The following IL1RAPL2 variants were observed in gnomAD, a reference collection of about 807,000 sequenced individuals.
The protein encoded by IL1RAPL2 is interleukin 1 receptor accessory protein like 2.
Under a neutral mutation model 44.1 loss-of-function variants are expected in IL1RAPL2, and 3 were observed. The observed-to-expected ratio is 0.07, with a 90% CI of 0.03 to 0.18. The LOEUF is 0.18. Ranked by LOEUF, IL1RAPL2 falls within the 10% of genes least tolerant of loss-of-function variation. IL1RAPL2 has a pLI of 1.00. For missense variants in IL1RAPL2, 391 were observed against 496.4 expected, an observed-to-expected ratio of 0.79 and a Z score of 2.02; for synonymous variants, 181 against 178.8, an observed-to-expected ratio of 1.01 and a Z score of -0.10.
At chrX:105,477,772 A>T (rs1270088351) in intron 5 of IL1RAPL2, among the ~76,000 whole-genome samples, 1 of 111,574 alleles carries the variant, frequency 9.0e-6, no homozygotes, top group African/African-American at 3.3e-5. Context: ...TAATACTTGT[A>T]CATCTGCGCA....
chrX:104,898,073 C>T (rs768109706), intron 2 of IL1RAPL2, among the ~76,000 whole-genome samples: 4 of 111,608 alleles, frequency 3.6e-5, no homozygotes, highest in Non-Finnish European at 7.5e-5. Context: ...TATTGGGTAT[C>T]ATTGACGGAG....
chrX:104,602,392 G>C (rs1179971829), intron 1 of IL1RAPL2, among the ~76,000 whole-genome samples: 1 of 111,497 alleles, frequency 9.0e-6, no homozygotes, highest in Non-Finnish European at 1.9e-5. Flanking sequence ...GCACAAAACT[G>C]GTTGACCATT....
chrX:105,161,527 G>T (rs1435499382), intron 2 of IL1RAPL2, among the ~76,000 whole-genome samples: 1 of 110,160 alleles, frequency 9.1e-6, no homozygotes, highest in Non-Finnish European at 1.9e-5. Flanking sequence ...TTCTATAATT[G>T]CTCATAAATT....
chrX:105,588,127 CTAAT>C (rs1214875215), intron 6 of IL1RAPL2, among the ~76,000 whole-genome samples: 4 of 110,697 alleles, frequency 3.6e-5, no homozygotes, highest in African/African-American at 6.5e-5. Context: ...ATTTATTATT[CTAAT>C]TAATTTATTT....
At chrX:104,741,051 C>T (rs1414841476) in intron 2 of IL1RAPL2, among the ~76,000 whole-genome samples, 1 of 111,640 alleles carries the variant, frequency 9.0e-6, no homozygotes, top group African/African-American at 3.2e-5. Flanking sequence ...ATACCTATCT[C>T]ACATGCATCT....
chrX:105,232,326 G>T (rs1360012660), intron 3 of IL1RAPL2, among the ~76,000 whole-genome samples: 2 of 112,041 alleles, frequency 1.8e-5, no homozygotes, highest in Non-Finnish European at 3.8e-5. Context: ...TAAGCAGTAT[G>T]AACAGTGCCG....
intron 2 of IL1RAPL2, among the ~76,000 whole-genome samples, chrX:104,874,271 T>A (rs764483577): frequency 1.0e-5 from 1 of 96,336 alleles, no homozygotes. Flanking sequence ...TTTTTAACTG[T>A]CTGTATTCCT....
intron 2 of IL1RAPL2, among the ~76,000 whole-genome samples, chrX:105,061,147 T>C (rs2032071356): frequency 9.0e-6 from 1 of 111,501 alleles, no homozygotes; most frequent in Non-Finnish European, 1.9e-5. Context: ...TTATTTGAAG[T>C]TTTTCAACTT....
At chrX:105,297,597 C>G (rs2034663482) in intron 5 of IL1RAPL2, among the ~76,000 whole-genome samples, 1 of 110,635 alleles carries the variant, frequency 9.0e-6, no homozygotes, top group African/African-American at 3.3e-5. Context: ...ACTTATCAAA[C>G]AACCAGATCT....
chrX:105,096,011 A>C (rs1056708374), intron 2 of IL1RAPL2, among the ~76,000 whole-genome samples: 1 of 111,575 alleles, frequency 9.0e-6, no homozygotes, highest in Non-Finnish European at 1.9e-5. Context: ...ACACACCTTA[A>C]ATTTTTAAAA....
chrX:104,787,231 T>C (rs1241649290), intron 2 of IL1RAPL2, among the ~76,000 whole-genome samples: 1 of 111,233 alleles, frequency 9.0e-6, no homozygotes, highest in Non-Finnish European at 1.9e-5. Context: ...AAATGTCAGG[T>C]TGTTAAAAGT....
Position 104,697,534 on chromosome X carries a change from C to T in IL1RAPL2, c.82+38539C>T, listed in dbSNP as rs1931201918. Among the ~76,000 whole-genome samples, 5 of 112,109 alleles carry T rather than the reference C, an allele frequency of 4.5e-5. No individual in the cohort carries two copies. The Admixed American group carries it at 4.7e-4, about 11-fold the overall frequency. Reference sequence around the variant, plus strand: ...TTCACAAAACACATGGTTTCAATTACCTCTGTGGCATCCACCCACCCACCC... The same window carrying T: ...TTCACAAAACACATGGTTTCAATTATCTCTGTGGCATCCACCCACCCACCC... On this transcript the variant is annotated intron_variant, in intron 2 of 10. Transcript: ENST00000372582.
chrX:104,807,412 G>A (rs991470994), intron 2 of IL1RAPL2, among the ~76,000 whole-genome samples: 4 of 111,216 alleles, frequency 3.6e-5, no homozygotes, highest in Non-Finnish European at 5.7e-5. Flanking sequence ...CAGGGCTCTG[G>A]TGATGCTTTG....
At chrX:104,889,823 A>G (rs1297932111) in intron 2 of IL1RAPL2, among the ~76,000 whole-genome samples, 1 of 111,656 alleles carries the variant, frequency 9.0e-6, no homozygotes, top group Non-Finnish European at 1.9e-5. Context: ...ATTGTACTTT[A>G]AGTTCTAGGG....
chrX:105,250,114 C>T (rs1455477015), intron 4 of IL1RAPL2, among the ~76,000 whole-genome samples: 2 of 110,767 alleles, frequency 1.8e-5, no homozygotes, highest in South Asian at 3.7e-4. Flanking sequence ...GAAAAGGGTA[C>T]GTACTGTATG....
intron 6 of IL1RAPL2, among the ~76,000 whole-genome samples, chrX:105,609,494 GA>G (rs2037319628): frequency 2.7e-5 from 3 of 111,319 alleles, no homozygotes; most frequent in Admixed American, 1.9e-4. Flanking sequence ...TTTCCTCATA[GA>G]AAAATACATC....
At chrX:105,274,873 C>T (rs971789871) in intron 5 of IL1RAPL2, among the ~76,000 whole-genome samples, 1 of 111,602 alleles carries the variant, frequency 9.0e-6, no homozygotes, top group Non-Finnish European at 1.9e-5. Context: ...TATCTCAGGG[C>T]ACCTTAGTGC....
At chrX:105,746,877 A>C (rs2038547591) in intron 8 of IL1RAPL2, among the ~76,000 whole-genome samples, 1 of 111,996 alleles carries the variant, frequency 8.9e-6, no homozygotes, top group Non-Finnish European at 1.9e-5. Context: ...TTATAGCATA[A>C]AGTGAACATC....
chrX:105,236,470 A>C (rs1044225695), intron 4 of IL1RAPL2, among the ~76,000 whole-genome samples: 14 of 112,452 alleles, frequency 1.2e-4, no homozygotes, highest in African/African-American at 4.5e-4. Context: ...AGATAGATTA[A>C]TGCAATTCTT....
Sources: allele counts gnomAD v4.1 joint callset (sites outside exome capture counted in the v4.1 genomes callset), GRCh38; gene constraint gnomAD v4.1.1; transcripts MANE v1.5; gene names NCBI Gene and HGNC (gene_info 2026-07-23, HGNC 2026-07-21).